The following MYO16 variants were observed in gnomAD, a reference collection of about 807,000 sequenced individuals.
MYO16 encodes unconventional myosin-XVI.
Under a neutral mutation model 205.3 loss-of-function variants are expected in MYO16, and 94 were observed. The ratio of observed to expected loss-of-function variants is 0.46; its 90% confidence interval spans 0.39 to 0.54. The LOEUF is 0.54. MYO16 is among the 20% of genes least tolerant of loss of function. MYO16 has a pLI of 0.00. For synonymous variants in MYO16, 988 were observed against 954.0 expected, an observed-to-expected ratio of 1.04 and a Z score of -0.66; for missense variants, 2,315 against 2,387.5, an observed-to-expected ratio of 0.97 and a Z score of 0.63.
chr13:109,061,725 A>G (rs1030272863), intron 27 of MYO16, among the ~76,000 whole-genome samples: 2 of 152,214 alleles, frequency 1.3e-5, no homozygotes, highest in African/African-American at 4.8e-5. Context: ...TAAATATGAC[A>G]GGCATTACCC....
intron 4 of MYO16, among the ~76,000 whole-genome samples, chr13:108,760,301 C>T (rs755379112): frequency 5.3e-5 from 8 of 152,142 alleles, no homozygotes; most frequent in Non-Finnish European, 7.3e-5. Context: ...GGTATTTTAT[C>T]TCCTTTGTCT....
chr13:108,625,330 A>C (rs1879693366), upstream of MYO16, among the ~76,000 whole-genome samples: 1 of 152,176 alleles, frequency 6.6e-6, no homozygotes. Context: ...ACTTTATGAG[A>C]GAGTCAAGGA....
chr13:108,763,623 G>T (rs2139661676), intron 4 of MYO16, among the ~76,000 whole-genome samples: 1 of 152,226 alleles, frequency 6.6e-6, no homozygotes, highest in South Asian at 2.1e-4. Context: ...GGGAGGGATG[G>T]TGCAGTTTAC....
At chr13:108,653,834 C>G (rs1233999037) in intron 1 of MYO16, among the ~76,000 whole-genome samples, 1 of 151,328 alleles carries the variant, frequency 6.6e-6, no homozygotes, top group African/African-American at 2.4e-5. Context: ...TAGACTGTGT[C>G]CCCTAGAAGC....
chr13:109,126,453 C>G (rs1359610711), intron 30 of MYO16, among the ~76,000 whole-genome samples: 6 of 152,178 alleles, frequency 3.9e-5, no homozygotes, highest in Non-Finnish European at 8.8e-5. Context: ...TGGCATCTTG[C>G]TAGCACATGA....
At chr13:109,071,750 G>A (rs1277650193) in intron 27 of MYO16, among the ~76,000 whole-genome samples, 1 of 151,962 alleles carries the variant, frequency 6.6e-6, no homozygotes, top group Non-Finnish European at 1.5e-5. Context: ...ATTATTTAAA[G>A]ATTGTCTTTC....
intron 27 of MYO16, among the ~76,000 whole-genome samples, chr13:109,075,576 A>G (rs932727690): frequency 5.3e-5 from 8 of 152,044 alleles, no homozygotes; most frequent in Non-Finnish European, 8.8e-5. Context: ...GGGTTTCACT[A>G]TGTTGGCCAG....
intron 15 of MYO16, among the ~76,000 whole-genome samples, chr13:108,908,037 A>G (rs528002802): frequency 7.2e-5 from 11 of 152,204 alleles, no homozygotes; most frequent in Non-Finnish European, 1.0e-4. Flanking sequence ...TAAACAGAAA[A>G]TGTTTTCAGC....
In MYO16 at chr13:109,141,251, C is replaced by A. The variant is rs1406054190; in HGVS notation, c.5039C>A (p.Ala1680Glu). ...RKAGSSASPP[A>E]PYSPPSSRPL... The stretch of plus-strand genomic sequence containing the variant: ...GCCGGCTCCAGTGCCTCGCCCCCCG[C>A]GCCCTACAGCCCTCCCAGCTCCAGG... The change falls in exon 32 of 35, where the codon GCG (alanine) becomes GAG (glutamate). Residue 1680 changes from alanine to glutamate, a missense_variant. By Grantham distance (107) the Ala-to-Glu change is moderately radical. Coordinates refer to ENST00000457511, the MANE Select transcript of MYO16 (RefSeq NM_001198950.3). The surrounding 1 kb of genome is among the most constrained non-coding windows in gnomAD (Gnocchi z 4.1). 6.2e-7 allele frequency: 1 copy of A among 1,605,904 alleles called. No individual in the cohort carries two copies. The highest frequency in any genetic ancestry group is 8.5e-7 in the Non-Finnish European group (1 of 1,176,266).
intron 22 of MYO16, among the ~76,000 whole-genome samples, chr13:109,015,651 T>C (rs972616823): frequency 6.6e-6 from 1 of 152,186 alleles, no homozygotes; most frequent in East Asian, 1.9e-4. Context: ...CTGCTATTGG[T>C]CTATTCAGTG....
At chr13:108,820,513 G>C in intron 8 of MYO16, 101 bp downstream of exon 8, 1 of 937,398 alleles carries the variant, frequency 1.1e-6, no homozygotes, top group Non-Finnish European at 1.7e-6. Context: ...GTGAGAGCTG[G>C]ACATGCCTGT....
intron 4 of MYO16, among the ~76,000 whole-genome samples, chr13:108,755,115 G>A (rs1419624667): frequency 6.6e-6 from 1 of 152,024 alleles, no homozygotes; most frequent in East Asian, 1.9e-4. Flanking sequence ...GGAGAGAGGG[G>A]ACTCATAATT....
At chr13:109,180,340 A>G (rs1879403740) in intron 34 of MYO16, among the ~76,000 whole-genome samples, 1 of 152,234 alleles carries the variant, frequency 6.6e-6, no homozygotes, top group Non-Finnish European at 1.5e-5. Flanking sequence ...GTTGAATTTT[A>G]AAATATACTT....
At chr13:109,040,169 G>T (rs1322490409) in intron 23 of MYO16, among the ~76,000 whole-genome samples, 1 of 152,006 alleles carries the variant, frequency 6.6e-6, no homozygotes, top group South Asian at 2.1e-4. Context: ...TTTAAGAAAT[G>T]AATTTGTAAT....
chr13:108,838,035 C>G (rs958889398), intron 9 of MYO16, among the ~76,000 whole-genome samples: 4 of 151,968 alleles, frequency 2.6e-5, no homozygotes, highest in Non-Finnish European at 5.9e-5. Flanking sequence ...AAGAAAAATA[C>G]AGAAAATATT....
chr13:109,182,092 A>G (rs1456923063), intron 34 of MYO16, among the ~76,000 whole-genome samples: 1 of 152,172 alleles, frequency 6.6e-6, no homozygotes, highest in Non-Finnish European at 1.5e-5. Flanking sequence ...TGCTGGGATT[A>G]CAGGCGGGAG....
At chr13:108,523,345 C>T in the MYO16 span, among the ~76,000 whole-genome samples, 10 of 152,200 alleles carry the variant, frequency 6.6e-5, no homozygotes, top group African/African-American at 9.7e-5. Flanking sequence ...CCTCCTCCAT[C>T]GTATCTGTTT....
chr13:108,496,988 T>G, the MYO16 span, among the ~76,000 whole-genome samples: 1 of 152,240 alleles, frequency 6.6e-6, no homozygotes, highest in Admixed American at 6.5e-5. Context: ...ATGCGGTCTC[T>G]GGAGTCTGTG....
intron 21 of MYO16, among the ~76,000 whole-genome samples, chr13:109,006,914 G>T (rs1027122336): frequency 2.3e-4 from 35 of 152,250 alleles, no homozygotes; most frequent in African/African-American, 7.7e-4. Context: ...TCCACGAAGA[G>T]TCGGGAAAGG....
Sources: gnomAD v4.1 joint callset for allele counts (sites outside exome capture counted in the v4.1 genomes callset) on GRCh38, gnomAD v4.1.1 for gene constraint, Gnocchi (gnomAD v3.1) non-coding constraint, MANE v1.5 for transcripts, NCBI Gene and HGNC (gene_info 2026-07-23, HGNC 2026-07-21) for gene names.